TNN: variants seen among roughly 807,000 people sequenced by gnomAD.
The protein encoded by TNN is tenascin N, also known as tenascin-N.
TNN carries 122 observed loss-of-function variants against 134.4 expected under a neutral mutation model. The ratio of observed to expected loss-of-function variants is 0.91; its 90% CI spans 0.78 to 1.06. The LOEUF is 1.06. Among genes scored for constraint, TNN ranks in the 50% least tolerant of loss-of-function variants. The pLI is 0.00. For synonymous variants in TNN, 710 were observed against 670.3 expected (o/e 1.06, Z -0.91); for missense variants, 1,739 against 1,699.4 (o/e 1.02, Z -0.41).
Position 175,147,103 on chromosome 1 carries a change from C to T in TNN, c.*32C>T. The T allele has an allele frequency of 6.6e-7, 1 of 1,507,684 alleles. No homozygotes were observed. Among genetic ancestry groups the T allele is most frequent in the Non-Finnish European group, 8.9e-7 (1 of 1,119,374 alleles). The allele number at this position is 1,507,684 out of a possible 1,614,324, so 93.4% of individuals were successfully genotyped here. ...GTGTGAGCAGTCCTCGCAGGAGACA[C>T]CACCAGCTGTGGCAGCTTGGGGCGG... is the stretch of plus-strand genomic sequence containing the variant. On this transcript the variant is annotated 3_prime_UTR_variant, in exon 19 of 19. Transcript: ENST00000239462.
chr1:175,098,470 C>T lies in TNN; in HGVS notation c.1994C>T (p.Pro665Leu), dbSNP rs1038353019. 45 of 1,613,996 alleles carry T rather than the reference C, an allele frequency of 2.8e-5. No homozygotes were observed. The highest frequency in any genetic ancestry group is 2.7e-4 in the Admixed American group (16 of 59,990). Reference sequence around the variant, plus strand: ...GCTGGTGGAGAGACCAGGGAGGTTCCGGTGGGGAAGGAGCAGAGCAGCACA... The same window carrying T: ...GCTGGTGGAGAGACCAGGGAGGTTCTGGTGGGGAAGGAGCAGAGCAGCACA... ...TSAGGETREV[P>L]VGKEQSSTVL... is the part of the protein sequence containing the mutation. Residue 665 changes from proline (P) to leucine (L), a missense_variant, in exon 9 of 19, where the codon CCG becomes CTG. Transcript: ENST00000239462.
chr1:175,126,772 G>A (rs969362216), intron 12 of TNN, among the ~76,000 whole-genome samples, 183 bp from the exon 13 acceptor site: 4 of 152,180 alleles, frequency 2.6e-5, no homozygotes, highest in Admixed American at 6.5e-5. Flanking sequence ...TAATGGGTCT[G>A]TACTTGTAGA....
chr1:175,144,438 A>G lies in TNN; in HGVS notation c.3647A>G (p.Asp1216Gly), dbSNP rs201459742. ...NGWKFTTFDR[D>G]NDIALSNCAL... is the part of the protein sequence containing the mutation. ...TGGAAGTTTACAACTTTTGACAGAG[A>G]CAATGATATCGCACTCAGCAACTGT... Residue 1216 changes from aspartate to glycine, a missense_variant, in exon 18 of 19, where the codon GAC (aspartate) becomes GGC (glycine). Coordinates refer to ENST00000239462, the MANE Select transcript of TNN (RefSeq NM_022093.2). The G allele has an allele frequency of 6.2e-7, 1 of 1,614,188 alleles. No homozygotes were observed. Among genetic ancestry groups the G allele is most frequent in the Non-Finnish European group, 8.5e-7 (1 of 1,180,016 alleles).
At position 175,117,114 on chromosome 1, in the gene TNN, G is replaced by A. The variant is rs201894787; in HGVS notation, c.2295G>A (p.Thr765=). Residue 765 remains threonine (T), a synonymous_variant, in exon 10 of 19, where the codon ACG becomes ACA. Transcript: ENST00000239462. ...AGGAGCAGAGTAGCACTGTCCTGAC[G>A]GGCCTGAGGCCGGGTGTGGAGTACA... ...VGKEQSSTVL[T]GLRPGVEYTV... is the part of the protein sequence containing the mutation. The A allele has an allele frequency of 3.2e-5, 52 of 1,614,192 alleles. No individual in the cohort carries two copies. The highest frequency in any genetic ancestry group is 4.1e-5 in the Non-Finnish European group (48 of 1,180,026).
intron 4 of TNN, among the ~76,000 whole-genome samples, chr1:175,080,689 C>T (rs1302092841): frequency 1.3e-5 from 2 of 152,084 alleles, no homozygotes; most frequent in African/African-American, 4.8e-5. Flanking sequence ...TGCACCTTCT[C>T]ATAAGCAGTC....
intron 17 of TNN, among the ~76,000 whole-genome samples, chr1:175,138,971 C>G (rs1323427567): frequency 6.6e-6 from 1 of 152,098 alleles, no homozygotes; most frequent in African/African-American, 2.4e-5. Context: ...TATATGTAAA[C>G]ATAGAAAAGG....
intron 11 of TNN, among the ~76,000 whole-genome samples, chr1:175,120,436 T>C (rs12092239): frequency 0.033 from 5,091 of 152,296 alleles, 275 homozygotes; most frequent in African/African-American, 0.11. Flanking sequence ...TCAGCAGGAA[T>C]GGAGTGTATT....
At position 175,123,601 on chromosome 1, in the gene TNN, T is replaced by C. The variant is rs773201934; in HGVS notation, c.2852T>C (p.Val951Ala). The change falls in exon 12 of 19, where the codon GTG becomes GCG. Residue 951 changes from valine (V) to alanine (A), a missense_variant. Val to Ala is a moderately conservative substitution (Grantham distance 64). Transcript: ENST00000239462. ...TGLRPGMEYM[V>A]HVWAQKGAQE... Reference sequence around the variant, plus strand: ...CTGAGACCAGGCATGGAGTACATGGTGCACGTGTGGGCCCAGAAGGGGGCC... The same window carrying C: ...CTGAGACCAGGCATGGAGTACATGGCGCACGTGTGGGCCCAGAAGGGGGCC... 9 of 1,613,974 alleles carry C rather than the reference T, an allele frequency of 5.6e-6. No individual in the cohort carries two copies.
Position 175,123,538 on chromosome 1 carries a change from C to T in TNN, c.2789C>T (p.Pro930Leu), listed in dbSNP as rs2285215. 1,003,094 of 1,613,872 alleles carry T rather than the reference C, an allele frequency of 0.62. 312,834 individuals carry two copies. The highest frequency in any genetic ancestry group is 0.66 in the Admixed American group (39,300 of 59,986). Reference protein sequence around the residue: ...TSADGETREVPVGKEHSSTVL... With the variant: ...TSADGETREVLVGKEHSSTVL... ...GCTGACGGAGAGACCAGGGAGGTTC[C>T]GGTGGGGAAGGAGCACAGCAGCACT... Residue 930 changes from proline (P) to leucine (L), a missense_variant, in exon 12 of 19, where the codon CCG becomes CTG. Coordinates refer to ENST00000239462, the MANE Select transcript of TNN (RefSeq NM_022093.2).
At chr1:175,069,028 T>C in intron 1 of TNN, among the ~76,000 whole-genome samples, 1 of 152,188 alleles carries the variant, frequency 6.6e-6, no homozygotes, top group Non-Finnish European at 1.5e-5. Flanking sequence ...GGAGAAAGAA[T>C]GAATGAGAAC....
intron 9 of TNN, among the ~76,000 whole-genome samples, chr1:175,114,712 G>A (rs780702776): frequency 6.7e-5 from 10 of 149,724 alleles, no homozygotes; most frequent in Non-Finnish European, 1.3e-4. Context: ...TGATGGGCAG[G>A]GTGCAGCCGT....
intron 10 of TNN, among the ~76,000 whole-genome samples, chr1:175,117,882 G>A (rs775587344): frequency 2.0e-5 from 3 of 152,156 alleles, no homozygotes; most frequent in Non-Finnish European, 4.4e-5. Flanking sequence ...TAGCTCCTAC[G>A]TTATATTCTT....
intron 15 of TNN, among the ~76,000 whole-genome samples, chr1:175,134,371 C>T (rs1400168989): frequency 6.6e-6 from 1 of 151,936 alleles, no homozygotes; most frequent in Non-Finnish European, 1.5e-5. Flanking sequence ...ATGGTGAAAC[C>T]CCGTCTCTAC....
chr1:175,131,917 T>TACACACACACACACAC lies in TNN; in HGVS notation c.3330+3195_3330+3210dup, dbSNP rs3028571. 4.1e-3 allele frequency among the ~76,000 whole-genome samples: 562 copies of TACACACACACACACAC among 136,402 alleles called. 5 individuals are homozygous for TACACACACACACACAC. Among genetic ancestry groups the TACACACACACACACAC allele is most frequent in the African/African-American group, 0.012 (430 of 35,498 alleles). The allele number at this position is 136,402 out of a possible 152,430, so 89.5% of individuals were successfully genotyped here. A position where few individuals can be genotyped will look rare whatever the true frequency, so the allele number is the denominator to read the frequency against. On this transcript the variant is annotated intron_variant, in intron 15 of 18. Transcript: ENST00000239462. Reference sequence around the variant, plus strand: ...TTCCCTGGCCCAGATGAAGTATTATTACACACACACACACACACACACACA... The same window carrying TACACACACACACACAC: ...TTCCCTGGCCCAGATGAAGTATTATTACACACACACACACACACACACACACACACACACACACACA...
chr1:175,098,486 G>A lies in TNN; in HGVS notation c.2010G>A (p.Gln670=). 1.2e-6 allele frequency: 2 copies of A among 1,614,178 alleles called. No individual in the cohort carries two copies. Among genetic ancestry groups the A allele is most frequent in the Non-Finnish European group, 1.7e-6 (2 of 1,180,032 alleles). The change falls in exon 9 of 19, where the codon CAG becomes CAA. Residue 670 remains glutamine (Q), a synonymous_variant. Coordinates refer to ENST00000239462, the MANE Select transcript of TNN (RefSeq NM_022093.2). ...GGGAGGTTCCGGTGGGGAAGGAGCA[G>A]AGCAGCACAGTCCTGACAGGCCTGA... ...ETREVPVGKE[Q]SSTVLTGLRP...
chr1:175,137,464 G>T (rs1410795819), intron 17 of TNN, among the ~76,000 whole-genome samples: 1 of 151,592 alleles, frequency 6.6e-6, no homozygotes, highest in Non-Finnish European at 1.5e-5. Context: ...ATAATAAGAA[G>T]TATAGGTCTC....
rs1675263493 is a variant in TNN, at chr1:175,118,815, G to A, written c.2641G>A (p.Ala881Thr). 1 of 1,614,180 alleles carries A rather than the reference G, an allele frequency of 6.2e-7. No homozygotes were observed. The highest frequency in any genetic ancestry group is 8.5e-7 in the Non-Finnish European group (1 of 1,180,026). Reference protein sequence around the residue: ...NQESKKADTKAQTEIDGPKNL... With the variant: ...NQESKKADTKTQTEIDGPKNL... The stretch of plus-strand genomic sequence containing the variant: ...GGAGAGCAAGAAGGCTGACACCAAG[G>A]CCCAGACAGGTAATAGAAGTGAAGA... Residue 881 changes from alanine (A) to threonine (T), a missense_variant, in exon 11 of 19, where the codon GCC becomes ACC. Physicochemically the swap from Ala to Thr is moderately conservative, Grantham distance 58. Coordinates refer to ENST00000239462, the MANE Select transcript of TNN (RefSeq NM_022093.2).
At chr1:175,144,978 G>C (rs1050497074) in intron 18 of TNN, among the ~76,000 whole-genome samples, 4 of 152,104 alleles carry the variant, frequency 2.6e-5, no homozygotes, top group Non-Finnish European at 5.9e-5. Context: ...TGGCAGATTT[G>C]GTTCTTGGTG....
rs539497592 is a variant in TNN, at chr1:175,079,610, C to G, written c.687C>G (p.Ser229Arg). ...AAGACTTCATGTCGGAGGACTGCAG[C>G]GAGAAGCGCTGTCCCGGCGACTGCA... ...CHEDFMSEDC[S>R]EKRCPGDCSG... The change falls in exon 3 of 19, where the codon AGC becomes AGG. Residue 229 changes from serine (S) to arginine (R), a missense_variant. Physicochemically the swap from Ser to Arg is moderately radical, Grantham distance 110. Transcript: ENST00000239462. The G allele has an allele frequency of 6.3e-7, 1 of 1,599,080 alleles. No individual in the cohort carries two copies. The highest frequency in any genetic ancestry group is 1.1e-5 in the South Asian group (1 of 88,878).
Sources: allele counts gnomAD v4.1 joint callset (sites outside exome capture counted in the v4.1 genomes callset), GRCh38; gene constraint gnomAD v4.1.1; transcripts MANE v1.5; gene names NCBI Gene and HGNC (gene_info 2026-07-23, HGNC 2026-07-21).